BABAM2: variants seen among roughly 807,000 people sequenced by gnomAD.
BABAM2 encodes the protein BRISC and BRCA1 A complex member 2.
A neutral mutation model predicts 54.7 loss-of-function variants in BABAM2; 31 were observed. That is an observed-to-expected ratio of 0.57 (90% CI 0.43 to 0.77). BABAM2 has a LOEUF of 0.77. BABAM2 is among the 30% of genes least tolerant of loss of function. BABAM2 has a pLI of 0.00. For missense variants in BABAM2, 364 were observed against 455.8 expected (o/e 0.80, Z 1.83); for synonymous variants, 167 against 162.9 (o/e 1.03, Z -0.19).
intron 6 of BABAM2, among the ~76,000 whole-genome samples, chr2:28,123,431 T>G (rs975492518): frequency 4.6e-5 from 7 of 152,156 alleles, no homozygotes; most frequent in African/African-American, 1.7e-4. Context: ...CCTTTTGCAG[T>G]TTCAAATGGT....
intron 2 of BABAM2, among the ~76,000 whole-genome samples, chr2:27,915,462 G>T (rs1666894940): frequency 6.6e-6 from 1 of 152,154 alleles, no homozygotes; most frequent in South Asian, 2.1e-4. Context: ...AGACGAGAGA[G>T]ATTATTTAAC....
At position 28,309,888 on chromosome 2, in the gene BABAM2, T is replaced by C. The variant is rs1688919847; in HGVS notation, c.1088+11397T>C. The C allele has an allele frequency of 7.1e-6, 4 of 565,600 alleles. No individual in the cohort carries two copies. The Admixed American group carries it at 9.1e-5, about 13-fold the overall frequency. The allele number at this position is 565,600 out of a possible 1,614,324, so 35.0% of individuals were successfully genotyped here. On this transcript the variant is annotated intron_variant, in intron 11 of 11. Coordinates refer to ENST00000379624, the MANE Select transcript of BABAM2 (RefSeq NM_199191.3). Reference sequence around the variant, plus strand: ...TCAGTGCTGGTGAGCGACACAGGAATTGGGGACTGAGGTCACCAAGGCCTT... The same window carrying C: ...TCAGTGCTGGTGAGCGACACAGGAACTGGGGACTGAGGTCACCAAGGCCTT...
chr2:27,954,522 C>G (rs1213446139), intron 3 of BABAM2, among the ~76,000 whole-genome samples: 8 of 152,272 alleles, frequency 5.3e-5, no homozygotes, highest in Non-Finnish European at 8.8e-5. Context: ...GAAGGCAAGA[C>G]TTCTTTTTGA....
At chr2:28,169,831 T>A (rs1055035357) in intron 7 of BABAM2, among the ~76,000 whole-genome samples, 1 of 149,262 alleles carries the variant, frequency 6.7e-6, no homozygotes, top group African/African-American at 2.5e-5. Flanking sequence ...TGTAGCAGCA[T>A]AACAGAATCC....
intron 7 of BABAM2, among the ~76,000 whole-genome samples, chr2:28,141,702 G>A (rs193073518): frequency 5.3e-5 from 8 of 152,296 alleles, no homozygotes; most frequent in Admixed American, 4.6e-4. Context: ...GTTGTTCACA[G>A]CACTGGTCCT....
At chr2:28,242,382 C>G (rs1383070286) in intron 9 of BABAM2, among the ~76,000 whole-genome samples, 2 of 152,254 alleles carry the variant, frequency 1.3e-5, no homozygotes, top group African/African-American at 4.8e-5. Flanking sequence ...CTGCCTGTGG[C>G]TGTGCTGCCC....
chr2:28,170,956 C>G (rs1325335886), intron 7 of BABAM2, among the ~76,000 whole-genome samples: 1 of 152,184 alleles, frequency 6.6e-6, no homozygotes, highest in Non-Finnish European at 1.5e-5. Context: ...TACATTTCCT[C>G]CAACCCGAGT....
At chr2:28,169,194 G>A (rs1480756456) in intron 7 of BABAM2, among the ~76,000 whole-genome samples, 1 of 152,118 alleles carries the variant, frequency 6.6e-6, no homozygotes, top group African/African-American at 2.4e-5. Flanking sequence ...GAGTAATCCT[G>A]AAACATACTA....
intron 7 of BABAM2, among the ~76,000 whole-genome samples, chr2:28,138,741 G>C (rs1158446713): frequency 6.6e-6 from 1 of 151,966 alleles, no homozygotes; most frequent in African/African-American, 2.4e-5. Flanking sequence ...TGAAACCCAG[G>C]CATCCTATTT....
chr2:28,051,135 C>T (rs1677967572), intron 6 of BABAM2, among the ~76,000 whole-genome samples: 1 of 152,164 alleles, frequency 6.6e-6, no homozygotes. Context: ...TGTAACGTTT[C>T]TCAAAATGAG....
chr2:28,008,187 TG>T (rs1379743621), intron 4 of BABAM2, among the ~76,000 whole-genome samples: 1 of 152,162 alleles, frequency 6.6e-6, no homozygotes, highest in Non-Finnish European at 1.5e-5. Context: ...TGAACATTAG[TG>T]GGTGCAATAA....
intron 11 of BABAM2, chr2:28,309,980 C>T (rs1261467780): frequency 1.6e-6 from 2 of 1,266,780 alleles, no homozygotes; most frequent in African/African-American, 1.5e-5. Context: ...AGAAGTAGAG[C>T]TGTGAAGAGA....
At chr2:27,981,530 T>G (rs1382896154) in intron 3 of BABAM2, among the ~76,000 whole-genome samples, 3 of 152,172 alleles carry the variant, frequency 2.0e-5, no homozygotes, top group African/African-American at 7.2e-5. Flanking sequence ...CCCCATTGTC[T>G]GGCAACCATT....
chr2:27,914,336 G>A (rs1440976850), intron 2 of BABAM2, among the ~76,000 whole-genome samples: 1 of 152,156 alleles, frequency 6.6e-6, no homozygotes, highest in Non-Finnish European at 1.5e-5. Flanking sequence ...TATAGAACAA[G>A]CTTAATTGAT....
intron 6 of BABAM2, among the ~76,000 whole-genome samples, chr2:28,091,005 T>A (rs1399429886): frequency 6.6e-6 from 1 of 152,200 alleles, no homozygotes; most frequent in Non-Finnish European, 1.5e-5. Context: ...GATATCAGTG[T>A]TTTTTTCATC....
Position 27,893,822 on chromosome 2 carries a change from C to G in BABAM2, c.-24-711C>G, listed in dbSNP as rs568225612. On this transcript the variant is annotated intron_variant, in intron 1 of 11. Coordinates refer to ENST00000379624, the MANE Select transcript of BABAM2 (RefSeq NM_199191.3). Reference sequence around the variant, plus strand: ...CATCCTGGCCAACCTGATGAAACCCCGTCTCTACTAAAAATACAAAAATTA... The same window carrying G: ...CATCCTGGCCAACCTGATGAAACCCGGTCTCTACTAAAAATACAAAAATTA... Among the ~76,000 whole-genome samples the G allele has an allele frequency of 2.6e-4, 39 of 151,938 alleles. No individual in the cohort carries two copies. In the East Asian group the frequency reaches 4.8e-3, roughly 19 times the overall value.
At chr2:27,974,183 A>G (rs369871761) in intron 3 of BABAM2, among the ~76,000 whole-genome samples, 1 of 152,354 alleles carries the variant, frequency 6.6e-6, no homozygotes, top group East Asian at 1.9e-4. Context: ...AACAGTTTCT[A>G]TCTTACTTTA....
chr2:28,031,375 A>G (rs1257879866), intron 5 of BABAM2, among the ~76,000 whole-genome samples: 1 of 152,142 alleles, frequency 6.6e-6, no homozygotes, highest in Admixed American at 6.5e-5. Flanking sequence ...CAAAGTATGC[A>G]TTTCTTTTTT....
chr2:28,088,364 G>T (rs1240624426), intron 6 of BABAM2, among the ~76,000 whole-genome samples: 1 of 152,120 alleles, frequency 6.6e-6, no homozygotes, highest in African/African-American at 2.4e-5. Context: ...TGCCATTGGG[G>T]TACATAAGGT....
Sources: allele counts gnomAD v4.1 joint callset (sites outside exome capture counted in the v4.1 genomes callset), GRCh38; gene constraint gnomAD v4.1.1; transcripts MANE v1.5; gene names NCBI Gene and HGNC (gene_info 2026-07-23, HGNC 2026-07-21).